Variants in FAM228B observed in about 807,000 individuals in gnomAD.
The protein encoded by FAM228B is protein FAM228B.
In FAM228B, 38 loss-of-function variants were observed where a neutral mutation model predicts 42.6. That is an observed-to-expected ratio of 0.89 (90% CI 0.69 to 1.17). The LOEUF (loss-of-function observed/expected upper bound fraction) is 1.17, where lower values mean the gene tolerates loss of function less well. Among genes scored for constraint, FAM228B ranks in the 50% most tolerant of loss-of-function variants. The pLI is 0.00. For missense variants in FAM228B, 344 were observed against 367.3 expected, an observed-to-expected ratio of 0.94 and a Z score of 0.52; for synonymous variants, 109 against 122.3, an observed-to-expected ratio of 0.89 and a Z score of 0.72.
At chr2:24,126,609 C>T (rs1666314557) in intron 2 of FAM228B, among the ~76,000 whole-genome samples, 1 of 148,978 alleles carries the variant, frequency 6.7e-6, no homozygotes, top group Non-Finnish European at 1.5e-5. Context: ...ATAAGATTCA[C>T]TACTTTTTTT....
intron 2 of FAM228B, among the ~76,000 whole-genome samples, chr2:24,126,682 C>G (rs993453488): frequency 4.0e-5 from 6 of 151,478 alleles, no homozygotes; most frequent in Admixed American, 3.3e-4. Flanking sequence ...GTGATCTCAG[C>G]TCACTGCAAA....
intron 3 of FAM228B, among the ~76,000 whole-genome samples, chr2:24,104,245 T>C (rs1665663223): frequency 6.6e-6 from 1 of 152,144 alleles, no homozygotes; most frequent in South Asian, 2.1e-4. Flanking sequence ...AGACTGGGAA[T>C]AGGAGAATCC....
At position 24,154,145 on chromosome 2, in the gene FAM228B, A is replaced by C. The variant is rs117782591; in HGVS notation, c.686+7059A>C. On this transcript the variant is annotated intron_variant, in intron 7 of 10. Transcript: ENST00000615575. ...CTCTCCTCATGCCTCTTTTAGTGAT[A>C]TGAAGTTAAAACGAGGTACTGTGAT... is the stretch of plus-strand genomic sequence containing the variant. Among the ~76,000 whole-genome samples, 218 of 152,266 alleles carry C rather than the reference A, an allele frequency of 1.4e-3. 5 individuals are homozygous for C. The East Asian group carries it at 0.038, about 27-fold the overall frequency.
At chr2:24,122,445 A>C, upstream of FAM228B, 1 of 1,613,948 alleles carries the variant, frequency 6.2e-7, no homozygotes, top group Non-Finnish European at 8.5e-7. Flanking sequence ...GCTACACACA[A>C]GCTCCGCTCC....
At chr2:24,123,906 A>C (rs1215906291) in intron 1 of FAM228B, among the ~76,000 whole-genome samples, 3 of 152,074 alleles carry the variant, frequency 2.0e-5, no homozygotes, top group African/African-American at 7.2e-5. Flanking sequence ...GAGCTCGAAG[A>C]CTCGCGCAGT....
At chr2:24,160,185 TCA>T (rs1667254536) in intron 7 of FAM228B, among the ~76,000 whole-genome samples, 1 of 152,088 alleles carries the variant, frequency 6.6e-6, no homozygotes, top group Non-Finnish European at 1.5e-5. Flanking sequence ...AGATGAGGTT[TCA>T]CCGTGTTGAC....
At chr2:24,164,973 G>C (rs1240584672) in intron 9 of FAM228B, among the ~76,000 whole-genome samples, 2 of 151,684 alleles carry the variant, frequency 1.3e-5, no homozygotes, top group African/African-American at 4.9e-5. Flanking sequence ...AAAAAACTCA[G>C]GAATAAGAAA....
rs759884593 is a variant in FAM228B at position 24,164,205 on chromosome 2, G to A, written c.802G>A (p.Gly268Arg). ...EEKTVIYKNK[G>R]SSFLEREPLC... Reference sequence around the variant, plus strand: ...TCTGGTTCCTTCCTGCAGAAACAAAGGGTCATCCTTTCTAGAAAGAGAACC... The same window carrying A: ...TCTGGTTCCTTCCTGCAGAAACAAAAGGTCATCCTTTCTAGAAAGAGAACC... The change falls in exon 9 of 11, where the codon GGG becomes AGG. Residue 268 changes from glycine (G) to arginine (R), a missense_variant. Gly to Arg is a moderately radical substitution (Grantham distance 125, BLOSUM62 -2). Transcript: ENST00000615575. The A allele has an allele frequency of 2.8e-5, 43 of 1,549,618 alleles. No individual in the cohort carries two copies. In the African/African-American group the frequency reaches 4.4e-4, roughly 16 times the overall value.
At chr2:24,083,119 T>C (rs1253018156) in intron 2 of FAM228B, 1 of 1,613,606 alleles carries the variant, frequency 6.2e-7, no homozygotes. Context: ...AAAATGTTGC[T>C]GGCTCCTGGA....
chr2:24,115,139 T>G (rs895295483), intron 3 of FAM228B, among the ~76,000 whole-genome samples: 3 of 152,220 alleles, frequency 2.0e-5, no homozygotes, highest in African/African-American at 7.2e-5. Context: ...GGGACTCCAC[T>G]GCTTTTATAG....
At chr2:24,130,795 T>C (rs1006531213) in intron 2 of FAM228B, among the ~76,000 whole-genome samples, 1 of 152,230 alleles carries the variant, frequency 6.6e-6, no homozygotes, top group African/African-American at 2.4e-5. Flanking sequence ...AGAAGCTCTT[T>C]AGATTAATTA....
intron 2 of FAM228B, chr2:24,081,052 T>C (rs1329975248): frequency 3.7e-6 from 6 of 1,600,442 alleles, no homozygotes; most frequent in Non-Finnish European, 5.1e-6. Context: ...AAGTACAGGG[T>C]TCTCTTTACT....
intron 7 of FAM228B, among the ~76,000 whole-genome samples, chr2:24,156,787 C>A (rs188452119): frequency 0.018 from 2,054 of 114,742 alleles, 57 homozygotes; most frequent in Middle Eastern, 0.074. Context: ...CCCCCCCCCC[C>A]AGCTTTTTGT....
Position 24,080,646 on chromosome 2 carries a change from ATGAC to A in FAM228B, c.-289-227_-289-224del. 1 of 713,892 alleles carries A rather than the reference ATGAC, an allele frequency of 1.4e-6. No individual in the cohort carries two copies. 44.2% of individuals were successfully genotyped at this position (713,892 alleles called of 1,614,324 possible). On this transcript the variant is annotated intron_variant, in intron 1 of 10. Transcript: ENST00000613899. The surrounding 1 kb of genome is among the most constrained non-coding windows in gnomAD (Gnocchi z 4.7). ...CATGGAAACCATCTTAGATTTAAAT[ATGAC>A]TGCCTGTCTCCAGTGGTCAAATACC...
Position 24,080,862 on chromosome 2 carries a change from G to A in FAM228B, c.-289-14G>A. 1 of 1,613,998 alleles carries A rather than the reference G, an allele frequency of 6.2e-7. No homozygotes were observed. Among genetic ancestry groups the A allele is most frequent in the Non-Finnish European group, 8.5e-7 (1 of 1,179,984 alleles). ...TTGCTTCAGAGAAATCCTCTTTTTT[G>A]TAATTGAATCCAGCAGCTGCTCCAA... is the stretch of plus-strand genomic sequence containing the variant. On this transcript the variant is annotated splice_polypyrimidine_tract_variant and intron_variant, in intron 1 of 10. Transcript: ENST00000613899. The surrounding 1 kb of genome is among the most constrained non-coding windows in gnomAD (Gnocchi z 4.7).
chr2:24,143,996 C>CAA lies in FAM228B; in HGVS notation c.442-2736_442-2735dup, dbSNP rs59639444. ...CCACTGCACTCTAGGCAGCAGTCTC[C>CAA]AAAAAAAAAAAAAAAAATTAGTTTC... On this transcript the variant is annotated intron_variant, in intron 5 of 10. Transcript: ENST00000615575. Among the ~76,000 whole-genome samples, 278 of 129,166 alleles carry CAA rather than the reference C, an allele frequency of 2.2e-3. 1 individual carries two copies. The highest frequency in any genetic ancestry group is 4.2e-3 in the Middle Eastern group (1 of 236). The allele number at this position is 129,166 out of a possible 152,430, so 84.7% of individuals were successfully genotyped here.
rs531193656 is a variant in FAM228B at position 24,139,610 on chromosome 2, G to C, written c.441+160G>C. On this transcript the variant is annotated intron_variant, in intron 5 of 10. Transcript: ENST00000615575. The stretch of plus-strand genomic sequence containing the variant: ...CTTAGAAAGGAACAAAAAGCCAAAG[G>C]CCAAAGTAAATTAAATCTCCATAAA... Among the ~76,000 whole-genome samples, 5 of 152,200 alleles carry C rather than the reference G, an allele frequency of 3.3e-5. No homozygotes were observed. The South Asian group carries it at 6.2e-4, about 19-fold the overall frequency.
upstream of FAM228B, chr2:24,122,523 G>T: frequency 6.2e-7 from 1 of 1,612,884 alleles, no homozygotes; most frequent in Non-Finnish European, 8.5e-7. Flanking sequence ...AATAAGCTCT[G>T]CAAATGGCTC....
intron 2 of FAM228B, among the ~76,000 whole-genome samples, chr2:24,133,086 G>A (rs115164470): frequency 2.0e-5 from 3 of 152,110 alleles, no homozygotes; most frequent in African/African-American, 4.8e-5. Flanking sequence ...CAGTTAGGCC[G>A]CATGTTTCTA....
Sources: gnomAD v4.1 joint callset for allele counts (sites outside exome capture counted in the v4.1 genomes callset) on GRCh38, gnomAD v4.1.1 for gene constraint, Gnocchi (gnomAD v3.1) non-coding constraint, MANE v1.5 for transcripts, NCBI Gene and HGNC (gene_info 2026-07-23, HGNC 2026-07-21) for gene names.